The following SUGP1 variants were observed in gnomAD, a reference collection of about 807,000 sequenced individuals.
SUGP1 encodes the protein SURP and G-patch domain-containing protein 1.
A neutral mutation model predicts 76.5 loss-of-function variants in SUGP1; 34 were observed. That is an observed-to-expected ratio of 0.44 (90% CI 0.34 to 0.59). The LOEUF (loss-of-function observed/expected upper bound fraction) is 0.59. SUGP1 is among the 20% of genes least tolerant of loss of function. SUGP1 has a pLI of 0.01. For synonymous variants in SUGP1, 326 were observed against 326.2 expected, an observed-to-expected ratio of 1.00 and a Z score of 0.01; for missense variants, 752 against 851.7, an observed-to-expected ratio of 0.88 and a Z score of 1.46.
intron 12 of SUGP1, among the ~76,000 whole-genome samples, chr19:19,277,390 G>A (rs571918172): frequency 6.6e-6 from 1 of 152,274 alleles, no homozygotes; most frequent in Non-Finnish European, 1.5e-5. Context: ...GTCACACCTG[G>A]GAGAGCTCCT....
chr19:19,318,301 G>A (rs1171507095), intron 1 of SUGP1, among the ~76,000 whole-genome samples: 2 of 150,938 alleles, frequency 1.3e-5, no homozygotes, highest in Non-Finnish European at 2.9e-5. Flanking sequence ...CATATTTTTA[G>A]TAGAGATGGG....
chr19:19,311,052 T>A (rs867136876), intron 2 of SUGP1, among the ~76,000 whole-genome samples: 2 of 144,488 alleles, frequency 1.4e-5, no homozygotes, highest in African/African-American at 5.3e-5. Context: ...GCTAATTTTT[T>A]AATTTTTTTT....
intron 8 of SUGP1, among the ~76,000 whole-genome samples, chr19:19,290,629 G>C (rs1047097247): frequency 1.3e-5 from 2 of 151,766 alleles, no homozygotes; most frequent in Non-Finnish European, 2.9e-5. Context: ...GGATAAAAGA[G>C]CAAGACTCTG....
chr19:19,284,844 A>T (rs2061126621), intron 8 of SUGP1, among the ~76,000 whole-genome samples: 1 of 151,872 alleles, frequency 6.6e-6, no homozygotes, highest in African/African-American at 2.4e-5. Context: ...ATCATTGAGA[A>T]GGAAAGATAT....
rs1332392216 is a variant in SUGP1 at position 19,277,799 on chromosome 19, C to T, written c.1716G>A (p.Lys572=). 2 of 1,614,100 alleles carry T rather than the reference C, an allele frequency of 1.2e-6. No individual in the cohort carries two copies. The highest frequency in any genetic ancestry group is 1.7e-6 in the Non-Finnish European group (2 of 1,180,000). ...VENIGYQMLM[K]MGWKEGEGLG... is the part of the protein sequence containing the mutation. ...GCCCCTCGCCCTCCTTCCAGCCCAT[C>T]TTCATCAGCATCTGGTAGCCGATGT... Residue 572 remains lysine (K), a synonymous_variant, in exon 12 of 14, where the codon AAG becomes AAA. Coordinates refer to ENST00000247001, the MANE Select transcript of SUGP1 (RefSeq NM_172231.4).
chr19:19,307,741 A>T (rs2061327661), intron 3 of SUGP1, among the ~76,000 whole-genome samples: 2 of 151,112 alleles, frequency 1.3e-5, no homozygotes, highest in Non-Finnish European at 3.0e-5. Flanking sequence ...TCACGTGAGC[A>T]GAGCTGGTTG....
In SUGP1 at chr19:19,320,438, CCTGAGAGGAGGCGGGGG is replaced by C. The variant is rs1384501572; in HGVS notation, c.34+8_34+24del. 2.9e-5 allele frequency: 47 copies of C among 1,607,884 alleles called. No individual in the cohort carries two copies. The highest frequency in any genetic ancestry group is 3.9e-5 in the Non-Finnish European group (46 of 1,177,680). ...CTAGCCCCAGGGACCCAGGCGGCCG[CCTGAGAGGAGGCGGGGG>C]CTGTTACCTGCAACATCCCGGTTGT... On this transcript the variant is annotated splice_region_variant and intron_variant, in intron 1 of 13. Transcript: ENST00000247001.
Position 19,283,399 on chromosome 19 carries a change from G to A in SUGP1, c.1244-3108C>T, listed in dbSNP as rs150456404. On this transcript the variant is annotated intron_variant, in intron 8 of 13. Transcript: ENST00000247001. ...ACAAATTCTCCTGCCTCAGCCTCCC[G>A]AGTAGTTGGGACTACAGGCACCTGC... Among the ~76,000 whole-genome samples the A allele has an allele frequency of 1.7e-4, 25 of 151,312 alleles. No individual in the cohort carries two copies. The South Asian group carries it at 3.1e-3, about 19-fold the overall frequency.
intron 6 of SUGP1, among the ~76,000 whole-genome samples, chr19:19,302,793 G>T (rs915784234): frequency 6.6e-6 from 1 of 152,096 alleles, no homozygotes; most frequent in Non-Finnish European, 1.5e-5. Context: ...TGCAGCCTGC[G>T]CTTGGCCTGA....
intron 8 of SUGP1, among the ~76,000 whole-genome samples, chr19:19,290,526 C>T (rs1457201056): frequency 2.6e-5 from 4 of 151,882 alleles, no homozygotes; most frequent in Admixed American, 6.6e-5. Context: ...CACCTATAAT[C>T]CCAGCTACTC....
intron 2 of SUGP1, chr19:19,316,129 G>C: frequency 6.2e-6 from 2 of 322,414 alleles, no homozygotes; most frequent in East Asian, 1.3e-4. Context: ...CAGCACACCT[G>C]AACTCAAGGC....
chr19:19,320,060 C>T (rs919703683), intron 1 of SUGP1, among the ~76,000 whole-genome samples: 4 of 152,182 alleles, frequency 2.6e-5, no homozygotes, highest in Non-Finnish European at 4.4e-5. Flanking sequence ...TCAAGGGAGC[C>T]TCAAAGCACT....
intron 4 of SUGP1, 58 bp from the exon 5 acceptor site, chr19:19,303,905 C>A: frequency 3.1e-6 from 5 of 1,610,422 alleles, no homozygotes; most frequent in Middle Eastern, 1.6e-4. Flanking sequence ...TCAATAGGCA[C>A]ACTCTCTCTA....
intron 12 of SUGP1, 50 bp from the exon 13 acceptor site, chr19:19,277,126 C>A (rs376330743): frequency 3.8e-6 from 6 of 1,565,070 alleles, no homozygotes; most frequent in Admixed American, 1.9e-5. Flanking sequence ...GAACTCTGGC[C>A]GGGGGGCCGG....
Position 19,277,778 on chromosome 19 carries a change from C to T in SUGP1, c.1737G>A (p.Glu579=), listed in dbSNP as rs1170055356. 1.9e-6 allele frequency: 3 copies of T among 1,614,084 alleles called. No individual in the cohort carries two copies. The highest frequency in any genetic ancestry group is 2.5e-6 in the Non-Finnish European group (3 of 1,179,992). Residue 579 remains glutamate, a synonymous_variant, in exon 12 of 14, where the codon GAG becomes GAA. Transcript: ENST00000247001. ...MLMKMGWKEG[E]GLGSEGQGIK... ...TGCCCTGGCCCTCTGAGCCCAGCCC[C>T]TCGCCCTCCTTCCAGCCCATCTTCA... is the stretch of plus-strand genomic sequence containing the variant.
intron 2 of SUGP1, 53 bp from the exon 3 acceptor site, chr19:19,310,253 G>C: frequency 7.3e-7 from 1 of 1,375,010 alleles, no homozygotes; most frequent in Middle Eastern, 1.8e-4. Flanking sequence ...ATGGAGTGAG[G>C]GCACCAGAGG....
intron 2 of SUGP1, among the ~76,000 whole-genome samples, chr19:19,311,140 C>T (rs894773127): frequency 6.6e-6 from 1 of 151,244 alleles, no homozygotes; most frequent in Non-Finnish European, 1.5e-5. Flanking sequence ...AATGGTCCCA[C>T]CTCAGCCTCC....
chr19:19,279,135 C>T, intron 10 of SUGP1, 78 bp downstream of exon 10: 12 of 1,423,154 alleles, frequency 8.4e-6, no homozygotes, highest in Middle Eastern at 2.6e-4. Flanking sequence ...CCACGTGTGG[C>T]GCATCCAGGT....
intron 2 of SUGP1, among the ~76,000 whole-genome samples, chr19:19,314,949 G>C (rs756199184): frequency 6.6e-6 from 1 of 152,116 alleles, no homozygotes; most frequent in East Asian, 1.9e-4. Flanking sequence ...CAGGAGAATC[G>C]CTTGAAACTT....
Sources: gnomAD v4.1 joint callset for allele counts (sites outside exome capture counted in the v4.1 genomes callset) on GRCh38, gnomAD v4.1.1 for gene constraint, MANE v1.5 for transcripts, NCBI Gene and HGNC (gene_info 2026-07-23, HGNC 2026-07-21) for gene names.